The following ZNF658 variants were observed in gnomAD, a reference collection of about 807,000 sequenced individuals.
The protein encoded by ZNF658 is zinc finger protein 658.
Under a neutral mutation model 78.0 loss-of-function variants are expected in ZNF658, and 46 were observed. That is an observed-to-expected ratio of 0.59 (90% CI 0.47 to 0.75). The LOEUF is 0.75. Among genes scored for constraint, ZNF658 ranks in the 30% least tolerant of loss-of-function variants. The probability of loss-of-function intolerance (pLI) is 0.00; values close to 1 mark genes in which losing one functional copy is unlikely to be tolerated. For synonymous variants in ZNF658, 279 were observed against 408.4 expected (o/e 0.68, Z 3.82); for missense variants, 785 against 1,189.3 (o/e 0.66, Z 5.00).
At chr9:66,913,560 A>C (rs1587362120) in intron 4 of ZNF658, among the ~76,000 whole-genome samples, 1 of 152,284 alleles carries the variant, frequency 6.6e-6, no homozygotes, top group East Asian at 1.9e-4. Flanking sequence ...ACTTCAGAGG[A>C]GGCTCACTAA....
In ZNF658 at chr9:66,919,655, C is replaced by T; in HGVS notation, c.2089C>T (p.His697Tyr). The change falls in exon 5 of 5, where the codon CAT becomes TAT. Residue 697 changes from histidine to tyrosine, a missense_variant. His to Tyr is a moderately conservative substitution (Grantham distance 83). This residue lies in a region of ZNF658 where 75 missense variants were observed against 147.1 expected (regional missense o/e 0.51). Transcript: ENST00000621410. ...ECSDCEKTFA[H>Y]NSALKIHQRI... ...TAGTGACTGTGAGAAAACTTTTGCC[C>T]ATAATTCAGCCCTCAAAATACATCA... 1 of 1,610,964 alleles carries T rather than the reference C, an allele frequency of 6.2e-7. No individual in the cohort carries two copies. The highest frequency in any genetic ancestry group is 2.2e-5 in the East Asian group (1 of 44,772).
At chr9:66,907,608 T>C (rs943042879) in intron 2 of ZNF658, among the ~76,000 whole-genome samples, 2 of 152,124 alleles carry the variant, frequency 1.3e-5, no homozygotes, top group African/African-American at 4.8e-5. Context: ...ATTTGAAATA[T>C]TTGTCTTTCT....
intron 2 of ZNF658, among the ~76,000 whole-genome samples, chr9:66,904,756 C>T (rs1252043649): frequency 6.6e-6 from 1 of 152,134 alleles, no homozygotes; most frequent in East Asian, 1.9e-4. Context: ...TTTTGCTGAA[C>T]CATTCCCTTT....
intron 4 of ZNF658, among the ~76,000 whole-genome samples, chr9:66,916,291 A>C (rs1822334129): frequency 6.6e-6 from 1 of 152,126 alleles, no homozygotes; most frequent in African/African-American, 2.4e-5. Flanking sequence ...AAAATATCTC[A>C]TTTGAGAATT....
chr9:66,913,252 C>A (rs1026212882), intron 4 of ZNF658, among the ~76,000 whole-genome samples: 10 of 151,144 alleles, frequency 6.6e-5, no homozygotes, highest in Middle Eastern at 3.4e-3. Flanking sequence ...TTGCAAAACC[C>A]CATCTCTACC....
chr9:66,914,479 G>C (rs866480357), intron 4 of ZNF658, among the ~76,000 whole-genome samples: 431 of 151,814 alleles, frequency 2.8e-3, no homozygotes, highest in African/African-American at 0.01. Flanking sequence ...GGTCCTTCCA[G>C]TGCAATCTTG....
intron 6 of ZNF658, among the ~76,000 whole-genome samples, chr9:66,929,038 C>T (rs1587373999): frequency 6.6e-6 from 1 of 151,890 alleles, no homozygotes; most frequent in East Asian, 1.9e-4. Context: ...TTTTCCAGGG[C>T]CTCAGACAGA....
Position 66,918,233 on chromosome 9 carries a change from G to T in ZNF658, c.667G>T (p.Gly223Cys). The change falls in exon 5 of 5, where the codon GGT (glycine) becomes TGT (cysteine). Residue 223 changes from glycine (G) to cysteine (C), a missense_variant. Coordinates refer to ENST00000621410, the MANE Select transcript of ZNF658 (RefSeq NM_033160.7). ...ESFECDGSGQGLYDKTICITP... is the reference protein window; with the variant it reads ...ESFECDGSGQCLYDKTICITP... ...TTTTGAATGTGATGGATCTGGACAA[G>T]GTTTATATGATAAGACAATTTGTAT... is the stretch of plus-strand genomic sequence containing the variant. The T allele has an allele frequency of 1.2e-6, 2 of 1,606,942 alleles. No individual in the cohort carries two copies. Among genetic ancestry groups the T allele is most frequent in the Non-Finnish European group, 1.7e-6 (2 of 1,177,584 alleles).
chr9:66,900,895 G>C (rs1159675940), intron 1 of ZNF658, 59 bp downstream of exon 1: 1 of 152,102 alleles, frequency 6.6e-6, no homozygotes, highest in African/African-American at 2.4e-5. Flanking sequence ...GGGCGGGCTT[G>C]TGTGCGGAGG....
At chr9:66,925,487 G>A (rs1822576776), downstream of ZNF658, among the ~76,000 whole-genome samples, 1 of 151,996 alleles carries the variant, frequency 6.6e-6, no homozygotes, top group Non-Finnish European at 1.5e-5. Flanking sequence ...CAATAACCTA[G>A]AAGAAATGGA....
downstream of ZNF658, among the ~76,000 whole-genome samples, chr9:66,922,335 C>T (rs1206459058): frequency 1.3e-5 from 2 of 152,110 alleles, no homozygotes; most frequent in Non-Finnish European, 2.9e-5. Flanking sequence ...TTGGCTCATG[C>T]TCCATGGGCT....
At chr9:66,925,524 C>T (rs1411800743), downstream of ZNF658, among the ~76,000 whole-genome samples, 9 of 151,858 alleles carry the variant, frequency 5.9e-5, no homozygotes, top group Admixed American at 1.3e-4. Context: ...TACAACCTAC[C>T]AAGAGTGCAT....
At chr9:66,930,970 T>C (rs1271348441) in intron 6 of ZNF658, among the ~76,000 whole-genome samples, 6 of 151,616 alleles carry the variant, frequency 4.0e-5, no homozygotes, top group Non-Finnish European at 8.8e-5. Flanking sequence ...CAAACTTTCC[T>C]TAAGTATAAA....
chr9:66,901,851 G>C (rs1030248643), intron 1 of ZNF658, among the ~76,000 whole-genome samples: 2 of 152,038 alleles, frequency 1.3e-5, no homozygotes, highest in African/African-American at 4.8e-5. Context: ...GGCTGAGGCA[G>C]GAGAATCGCT....
rs1419212047 is a variant in ZNF658, at chr9:66,921,373, T to A, written c.*627T>A. ...TTAGGGAAAACCACAAAAACCTTCG[T>A]AAAGTGAATTGCATTAAACATCAAT... On this transcript the variant is annotated 3_prime_UTR_variant, in exon 5 of 5. Transcript: ENST00000621410. 1 of 151,850 alleles carries A rather than the reference T, an allele frequency of 6.6e-6. No homozygotes were observed. Among genetic ancestry groups the A allele is most frequent in the African/African-American group, 2.4e-5 (1 of 41,284 alleles). The allele number at this position is 151,850 out of a possible 1,614,324, so 9.4% of individuals were successfully genotyped here.
intron 6 of ZNF658, among the ~76,000 whole-genome samples, chr9:66,929,684 C>T (rs1317661171): frequency 1.5e-5 from 2 of 133,012 alleles, no homozygotes; most frequent in Admixed American, 7.9e-5. Flanking sequence ...TTTATTTTAA[C>T]CCTTAAAGTA....
chr9:66,903,267 T>A (rs956763475), intron 1 of ZNF658: 12 of 413,742 alleles, frequency 2.9e-5, no homozygotes, highest in African/African-American at 2.0e-4. Context: ...TGGCTATCTT[T>A]GAGTGGTCCT....
intron 4 of ZNF658, among the ~76,000 whole-genome samples, chr9:66,913,487 G>A (rs1018534532): frequency 3.3e-5 from 5 of 151,944 alleles, no homozygotes; most frequent in Non-Finnish European, 5.9e-5. Context: ...CAGATCAGTG[G>A]GGAACTGGAC....
downstream of ZNF658, among the ~76,000 whole-genome samples, chr9:66,922,201 A>G (rs1346528211): frequency 6.8e-6 from 1 of 146,390 alleles, no homozygotes; most frequent in African/African-American, 2.5e-5. Flanking sequence ...CCATTGGAAA[A>G]GCACAGTATT....
Sources: gnomAD v4.1 joint callset for allele counts (sites outside exome capture counted in the v4.1 genomes callset) on GRCh38, gnomAD v4.1.1 for gene constraint, gnomAD v4.1.1 regional missense constraint, MANE v1.5 for transcripts, NCBI Gene and HGNC (gene_info 2026-07-23, HGNC 2026-07-21) for gene names.